Variants in HHAT observed in about 807,000 individuals in gnomAD.
HHAT encodes the protein hedgehog acyltransferase.
Under a neutral mutation model 70.8 loss-of-function variants are expected in HHAT, and 47 were observed. The ratio of observed to expected loss-of-function variants is 0.66; its 90% CI spans 0.53 to 0.85. HHAT has a LOEUF of 0.85. Ranked by LOEUF, HHAT falls within the 40% of genes least tolerant of loss-of-function variation. The pLI is 0.00. For synonymous variants in HHAT, 228 were observed against 247.6 expected (o/e 0.92, Z 0.74); for missense variants, 609 against 604.8 (o/e 1.01, Z -0.07).
intron 8 of HHAT, among the ~76,000 whole-genome samples, chr1:210,473,463 T>C (rs961158362): frequency 6.6e-6 from 1 of 152,080 alleles, no homozygotes; most frequent in Non-Finnish European, 1.5e-5. Flanking sequence ...GCTCAGAGTT[T>C]TGTTTTCAGT....
At chr1:210,615,765 A>C (rs948109210) in intron 10 of HHAT, among the ~76,000 whole-genome samples, 2 of 152,250 alleles carry the variant, frequency 1.3e-5, no homozygotes, top group African/African-American at 2.4e-5. Flanking sequence ...ATTGCTGAAC[A>C]GCAAATGTTG....
Position 210,434,928 on chromosome 1 carries a change from A to T in HHAT, c.856+16603A>T, listed in dbSNP as rs541906108. ...ATATGTGGTAATTTGATACATTCAT[A>T]TAATCAGAGTAATTGAGATCTCCAT... On this transcript the variant is annotated intron_variant, in intron 7 of 11. Transcript: ENST00000261458. Among the ~76,000 whole-genome samples the T allele has an allele frequency of 7.7e-4, 117 of 152,010 alleles. 2 individuals carry two copies. The highest frequency in any genetic ancestry group is 2.8e-3 in the African/African-American group (115 of 41,288).
At chr1:210,355,620 A>G (rs1235970397) in intron 2 of HHAT, among the ~76,000 whole-genome samples, 1 of 152,142 alleles carries the variant, frequency 6.6e-6, no homozygotes, top group Non-Finnish European at 1.5e-5. Flanking sequence ...AAATATATGG[A>G]TTTCTAAGTG....
intron 8 of HHAT, among the ~76,000 whole-genome samples, chr1:210,512,684 A>C (rs112755410): frequency 4.2e-4 from 64 of 151,936 alleles, no homozygotes; most frequent in South Asian, 3.9e-3. Flanking sequence ...AAAAAAAAAA[A>C]AAAAAACCCA....
chr1:210,343,052 A>G (rs1432336474), intron 1 of HHAT, among the ~76,000 whole-genome samples: 5 of 152,008 alleles, frequency 3.3e-5, no homozygotes, highest in African/African-American at 1.2e-4. Flanking sequence ...TAAACAGCAA[A>G]CTGTTTCTCA....
At position 210,513,206 on chromosome 1, in the gene HHAT, AT is replaced by A; in HGVS notation, c.1043+22del. The A allele has an allele frequency of 2.3e-6, 3 of 1,305,240 alleles. No individual in the cohort carries two copies. The highest frequency in any genetic ancestry group is 3.3e-6 in the Non-Finnish European group (3 of 907,516). The allele number at this position is 1,305,240 out of a possible 1,614,324, so 80.9% of individuals were successfully genotyped here. A position where few individuals can be genotyped will look rare whatever the true frequency, so the allele number is the denominator to read the frequency against. On this transcript the variant is annotated intron_variant, in intron 9 of 11. Transcript: ENST00000261458. ...TTAATCAGGTAAGCCAATAATTTTT[AT>A]TTTAGATAACATTGAATAACATGTC...
intron 7 of HHAT, among the ~76,000 whole-genome samples, chr1:210,452,021 A>T (rs972320698): frequency 5.3e-5 from 8 of 152,214 alleles, no homozygotes; most frequent in Admixed American, 3.9e-4. Context: ...TGTGATTATT[A>T]TCCCAGAAGG....
intron 3 of HHAT, among the ~76,000 whole-genome samples, chr1:210,381,993 C>T (rs942536335): frequency 2.6e-5 from 4 of 152,122 alleles, no homozygotes; most frequent in African/African-American, 9.7e-5. Flanking sequence ...CCTCAGTTTT[C>T]TGGGGAATGC....
intron 3 of HHAT, among the ~76,000 whole-genome samples, chr1:210,378,214 A>G (rs1278208661): frequency 6.6e-5 from 10 of 152,208 alleles, no homozygotes; most frequent in Admixed American, 6.5e-4. Context: ...CATTAAGGTC[A>G]GTTTGCTGCC....
chr1:210,483,047 A>AT (rs1229698263), intron 8 of HHAT, among the ~76,000 whole-genome samples: 1 of 152,098 alleles, frequency 6.6e-6, no homozygotes, highest in African/African-American at 2.4e-5. Context: ...GGGGAGAGTT[A>AT]TTTTTTATCC....
intron 10 of HHAT, among the ~76,000 whole-genome samples, chr1:210,623,142 G>C (rs1229333694): frequency 6.6e-6 from 1 of 152,166 alleles, no homozygotes; most frequent in Non-Finnish European, 1.5e-5. Context: ...TGTGATCATG[G>C]CTCACTGCAG....
At chr1:210,428,098 A>G (rs899482727) in intron 7 of HHAT, among the ~76,000 whole-genome samples, 1 of 141,116 alleles carries the variant, frequency 7.1e-6, no homozygotes, top group Admixed American at 7.4e-5. Context: ...GTTTTGTCAG[A>G]AATTAGGATT....
At chr1:210,386,869 G>C (rs995394386) in intron 3 of HHAT, among the ~76,000 whole-genome samples, 1 of 152,102 alleles carries the variant, frequency 6.6e-6, no homozygotes, top group Non-Finnish European at 1.5e-5. Flanking sequence ...GAGCTTCTTG[G>C]GGGGAAGGGA....
In HHAT at chr1:210,494,542, C is replaced by CTTTTTTTTTTTTTTTTTT. The variant is rs71146226; in HGVS notation, c.1008-18601_1008-18584dup. Among the ~76,000 whole-genome samples, 103 of 82,844 alleles carry CTTTTTTTTTTTTTTTTTT rather than the reference C, an allele frequency of 1.2e-3. 7 individuals carry two copies. Among genetic ancestry groups the CTTTTTTTTTTTTTTTTTT allele is most frequent in the Non-Finnish European group, 1.6e-3 (75 of 45,734 alleles). 54.3% of individuals were successfully genotyped at this position (82,844 alleles called of 152,430 possible). On this transcript the variant is annotated intron_variant, in intron 8 of 11. Coordinates refer to ENST00000261458, the MANE Select transcript of HHAT (RefSeq NM_018194.6). The stretch of plus-strand genomic sequence containing the variant: ...AGATCAGGAGTTCAGTTTGAAATAG[C>CTTTTTTTTTTTTTTTTTT]TTTTTTTTTTTTTTTTTTTTTTTTT...
intron 6 of HHAT, among the ~76,000 whole-genome samples, chr1:210,406,207 G>A (rs2092322904): frequency 6.6e-6 from 1 of 152,050 alleles, no homozygotes; most frequent in Non-Finnish European, 1.5e-5. Context: ...ATAACTTTTG[G>A]ACCAAACATC....
intron 9 of HHAT, among the ~76,000 whole-genome samples, chr1:210,575,663 T>A (rs1657559119): frequency 6.6e-6 from 1 of 152,178 alleles, no homozygotes; most frequent in Non-Finnish European, 1.5e-5. Context: ...ATGCATGACA[T>A]CTTAAAAAGT....
chr1:210,407,337 G>C (rs1476431081), intron 6 of HHAT, among the ~76,000 whole-genome samples: 4 of 152,330 alleles, frequency 2.6e-5, no homozygotes, highest in East Asian at 3.9e-4. Context: ...TGAAATGCAT[G>C]GTTCTTAGAC....
chr1:210,647,000 T>A (rs1432394134), intron 11 of HHAT, among the ~76,000 whole-genome samples: 1 of 152,216 alleles, frequency 6.6e-6, no homozygotes, highest in Non-Finnish European at 1.5e-5. Context: ...TTCTTCCCAC[T>A]GTATTAGCCT....
intron 2 of HHAT, among the ~76,000 whole-genome samples, chr1:210,361,771 T>G (rs1251766532): frequency 6.6e-6 from 1 of 152,142 alleles, no homozygotes; most frequent in African/African-American, 2.4e-5. Flanking sequence ...GCCATTCTGG[T>G]GGTTTTGTCC....
Sources: allele counts gnomAD v4.1 joint callset (sites outside exome capture counted in the v4.1 genomes callset), GRCh38; gene constraint gnomAD v4.1.1; transcripts MANE v1.5; gene names NCBI Gene and HGNC (gene_info 2026-07-23, HGNC 2026-07-21).